CRY1: variants seen among roughly 807,000 people sequenced by gnomAD.
CRY1 encodes the protein cryptochrome circadian regulator 1, also known as cryptochrome-1.
CRY1 carries 45 observed loss-of-function variants against 76.0 expected under a neutral mutation model. The ratio of observed to expected loss-of-function variants is 0.59; its 90% CI spans 0.47 to 0.76. CRY1 has a LOEUF of 0.76. Among genes scored for constraint, CRY1 ranks in the 30% least tolerant of loss-of-function variants. The probability of loss-of-function intolerance (pLI) is 0.00; values close to 1 mark genes in which losing one functional copy is unlikely to be tolerated. For synonymous variants in CRY1, 248 were observed against 244.0 expected, an observed-to-expected ratio of 1.02 and a Z score of -0.15; for missense variants, 587 against 716.4, an observed-to-expected ratio of 0.82 and a Z score of 2.06.
At chr12:107,053,573 C>T (rs3851638) in intron 1 of CRY1, among the ~76,000 whole-genome samples, 1,881 of 152,282 alleles carry the variant, frequency 0.012, 31 homozygotes, top group African/African-American at 0.043. Context: ...CTGCCTCGGC[C>T]TCCCAAAGTG....
chr12:107,004,056 C>T (rs138856063), intron 3 of CRY1, among the ~76,000 whole-genome samples: 416 of 152,188 alleles, frequency 2.7e-3, no homozygotes, highest in Non-Finnish European at 3.5e-3. Context: ...CCATCTGCCT[C>T]GGCCTCCCAA....
chr12:107,047,505 G>A (rs1436445571), intron 1 of CRY1, among the ~76,000 whole-genome samples: 2 of 152,138 alleles, frequency 1.3e-5, no homozygotes, highest in African/African-American at 2.4e-5. Flanking sequence ...TAGGTGGAAG[G>A]TAATTGAATC....
intron 1 of CRY1, among the ~76,000 whole-genome samples, chr12:107,036,153 C>A (rs1165192905): frequency 6.6e-6 from 1 of 152,190 alleles, no homozygotes; most frequent in Non-Finnish European, 1.5e-5. Context: ...TCACCAAGTA[C>A]TTCCTCACAC....
intron 1 of CRY1, among the ~76,000 whole-genome samples, chr12:107,022,512 T>C (rs1463887457): frequency 6.6e-6 from 1 of 152,004 alleles, no homozygotes; most frequent in Non-Finnish European, 1.5e-5. Flanking sequence ...TTGTTTAAAC[T>C]TGATGAAATA....
At chr12:106,995,818 C>T (rs148583648) in intron 10 of CRY1, among the ~76,000 whole-genome samples, 3 of 152,018 alleles carry the variant, frequency 2.0e-5, no homozygotes, top group East Asian at 3.9e-4. Context: ...CCCCTGCCCC[C>T]CCAACAGACC....
chr12:107,043,082 TG>T (rs1481615091), intron 1 of CRY1: 1 of 152,096 alleles, frequency 6.6e-6, no homozygotes, highest in African/African-American at 2.4e-5. Context: ...GCTCTGGCGG[TG>T]AGTAGCCGTG....
At chr12:107,029,463 G>A (rs930516646) in intron 1 of CRY1, among the ~76,000 whole-genome samples, 30 of 152,088 alleles carry the variant, frequency 2.0e-4, no homozygotes, top group South Asian at 1.0e-3. Flanking sequence ...GCGTGGTGGC[G>A]TATGCCTGTA....
intron 1 of CRY1, among the ~76,000 whole-genome samples, chr12:107,074,448 G>A (rs1235287597): frequency 6.6e-6 from 1 of 152,076 alleles, no homozygotes. Context: ...AAGACAGATA[G>A]GATAAGATAA....
chr12:107,089,289 CAT>C (rs1401927538), intron 1 of CRY1, among the ~76,000 whole-genome samples: 2 of 152,058 alleles, frequency 1.3e-5, no homozygotes, highest in Non-Finnish European at 2.9e-5. Context: ...AAATCAAAAA[CAT>C]GTTATTCTGA....
chr12:107,063,845 G>A (rs906071287), intron 1 of CRY1, among the ~76,000 whole-genome samples: 10 of 152,028 alleles, frequency 6.6e-5, no homozygotes, highest in Admixed American at 1.3e-4. Flanking sequence ...TGATCCACCC[G>A]CCTCAGCCTC....
chr12:107,032,445 C>G (rs191710409), intron 1 of CRY1, among the ~76,000 whole-genome samples: 108 of 152,072 alleles, frequency 7.1e-4, no homozygotes, highest in Middle Eastern at 3.4e-3. Context: ...GTCCCAAACA[C>G]CTCAAGCATG....
chr12:107,070,867 A>ATTT (rs59675852), intron 1 of CRY1, among the ~76,000 whole-genome samples: 1 of 135,268 alleles, frequency 7.4e-6, no homozygotes. Flanking sequence ...TGCCTGGCTA[A>ATTT]TTTTTTTTTT....
At chr12:107,039,903 A>T (rs1952778952) in intron 1 of CRY1, among the ~76,000 whole-genome samples, 1 of 152,232 alleles carries the variant, frequency 6.6e-6, no homozygotes, top group African/African-American at 2.4e-5. Context: ...ACAAGATGGA[A>T]TGAATCCAAA....
intron 4 of CRY1, among the ~76,000 whole-genome samples, 167 bp downstream of exon 4, chr12:107,001,594 AATG>A (rs1205421385): frequency 7.9e-5 from 12 of 152,200 alleles, no homozygotes; most frequent in Non-Finnish European, 1.8e-4. Flanking sequence ...AAAACACATA[AATG>A]ATGAACAAAC....
At chr12:107,009,557 A>AC (rs1555275531) in intron 2 of CRY1, among the ~76,000 whole-genome samples, 57 of 41,838 alleles carry the variant, frequency 1.4e-3, no homozygotes, top group Middle Eastern at 0.011. Context: ...CAAAAAAACA[A>AC]AAAAACATAT....
At chr12:107,071,777 A>T (rs780433917) in intron 1 of CRY1, among the ~76,000 whole-genome samples, 29 of 152,236 alleles carry the variant, frequency 1.9e-4, no homozygotes, top group Admixed American at 4.6e-4. Context: ...TAAATAAAAG[A>T]TATGGTATAC....
chr12:107,046,701 C>T (rs749770735), intron 1 of CRY1, among the ~76,000 whole-genome samples: 40 of 152,030 alleles, frequency 2.6e-4, no homozygotes, highest in Non-Finnish European at 4.6e-4. Context: ...TAAAGATATT[C>T]CACACAAACA....
At position 106,997,547 on chromosome 12, in the gene CRY1, C is replaced by T. The variant is rs986535328; in HGVS notation, c.1433G>A (p.Arg478His). ...KPMVNHAEAS[R>H]LNIERMKQIY... is the part of the protein sequence containing the mutation. ...CTGTTTCATCCTTTCGATATTCAAACGGCTTGCCTCAGCATGGTTCACCAT... is the reference window on the plus strand; with the variant it reads ...CTGTTTCATCCTTTCGATATTCAAATGGCTTGCCTCAGCATGGTTCACCAT... Residue 478 changes from arginine (R) to histidine (H), a missense_variant, in exon 9 of 13, where the codon CGT (arginine) becomes CAT (histidine). Physicochemically the swap from Arg to His is conservative, Grantham distance 29. Transcript: ENST00000008527. 5.6e-6 allele frequency: 9 copies of T among 1,614,128 alleles called. No individual in the cohort carries two copies. The highest frequency in any genetic ancestry group is 1.7e-5 in the Admixed American group (1 of 60,028).
At chr12:107,091,102 C>T (rs888067489) in intron 1 of CRY1, among the ~76,000 whole-genome samples, 15 of 151,780 alleles carry the variant, frequency 9.9e-5, no homozygotes, top group Admixed American at 3.3e-4. Context: ...TGCAGTGGCA[C>T]GATCTCAGCT....
Sources: gnomAD v4.1 joint callset for allele counts (sites outside exome capture counted in the v4.1 genomes callset) on GRCh38, gnomAD v4.1.1 for gene constraint, MANE v1.5 for transcripts, NCBI Gene and HGNC (gene_info 2026-07-23, HGNC 2026-07-21) for gene names.